PATJ: variants seen among roughly 807,000 people sequenced by gnomAD.
The protein encoded by PATJ is PATJ crumbs cell polarity complex component.
Under a neutral mutation model 224.9 loss-of-function variants are expected in PATJ, and 190 were observed. The observed-to-expected ratio is 0.84, with a 90% confidence interval of 0.75 to 0.95. PATJ has a LOEUF of 0.95. Among genes scored for constraint, PATJ ranks in the 40% least tolerant of loss-of-function variants. The pLI is 0.00. For synonymous variants in PATJ, 769 were observed against 820.3 expected (o/e 0.94, Z 1.07); for missense variants, 2,121 against 2,270.3 (o/e 0.93, Z 1.34).
At chr1:61,779,211 T>C (rs1211159370) in intron 7 of PATJ, among the ~76,000 whole-genome samples, 2 of 152,194 alleles carry the variant, frequency 1.3e-5, no homozygotes, top group African/African-American at 2.4e-5. Flanking sequence ...AAAAAAGATA[T>C]TATTTTAAAA....
chr1:62,125,256 A>AC (rs1558203867), intron 39 of PATJ, among the ~76,000 whole-genome samples: 1 of 111,250 alleles, frequency 9.0e-6, no homozygotes, highest in Non-Finnish European at 1.9e-5. Context: ...AAAAAAAACA[A>AC]AAAAAAACAA....
chr1:62,051,807 C>T (rs1011104881), intron 31 of PATJ, among the ~76,000 whole-genome samples: 10 of 152,282 alleles, frequency 6.6e-5, no homozygotes, highest in South Asian at 2.1e-4. Flanking sequence ...AGAACTCTTT[C>T]TCCTTATGTA....
chr1:61,930,741 C>T (rs1241398747), intron 27 of PATJ, among the ~76,000 whole-genome samples: 1 of 152,018 alleles, frequency 6.6e-6, no homozygotes. Flanking sequence ...GAGTTTTGCT[C>T]TTGTTGCCCA....
In PATJ at chr1:62,108,453, A is replaced by T; in HGVS notation, c.4394A>T (p.His1465Leu). 1 of 1,607,576 alleles carries T rather than the reference A, an allele frequency of 6.2e-7. No individual in the cohort carries two copies. Among genetic ancestry groups the T allele is most frequent in the Non-Finnish European group, 8.5e-7 (1 of 1,174,924 alleles). ...KDTPLNAIVIHEVYEEGAAAR... is the reference protein window; with the variant it reads ...KDTPLNAIVILEVYEEGAAAR... ...TTTTTATAGAATGCTATAGTTATCC[A>T]TGAAGTCTATGAAGAAGGGGCAGCA... is the stretch of plus-strand genomic sequence containing the variant. Residue 1465 changes from histidine (H) to leucine (L), a missense_variant, in exon 34 of 44, where the codon CAT becomes CTT. His to Leu is a moderately conservative substitution (Grantham distance 99). Transcript: ENST00000642238.
At position 61,856,142 on chromosome 1, in the gene PATJ, A is replaced by C; in HGVS notation, c.2225A>C (p.Glu742Ala). 2 of 1,614,168 alleles carry C rather than the reference A, an allele frequency of 1.2e-6. No individual in the cohort carries two copies. The highest frequency in any genetic ancestry group is 2.2e-5 in the South Asian group (2 of 91,084). ...LPGDRLVSVN[E>A]YCLDNTSLAE... Reference sequence around the variant, plus strand: ...GGAGACCGCCTGGTCTCAGTCAATGAATACTGTTTGGACAACACCTCACTT... The same window carrying C: ...GGAGACCGCCTGGTCTCAGTCAATGCATACTGTTTGGACAACACCTCACTT... The change falls in exon 18 of 44, where the codon GAA (glutamate) becomes GCA (alanine). Residue 742 changes from glutamate to alanine, a missense_variant. Glu to Ala is a moderately radical substitution (Grantham distance 107). Coordinates refer to ENST00000642238, the MANE Select transcript of PATJ (RefSeq NM_001350145.3).
intron 42 of PATJ, among the ~76,000 whole-genome samples, chr1:62,150,446 A>G (rs2149037036): frequency 6.6e-6 from 1 of 152,228 alleles, no homozygotes; most frequent in Admixed American, 6.5e-5. Context: ...AACCATGGAT[A>G]TGGGGCATAA....
intron 38 of PATJ, 39 bp downstream of exon 38, chr1:62,121,334 A>C: frequency 8.9e-7 from 1 of 1,121,974 alleles, no homozygotes; most frequent in Non-Finnish European, 1.2e-6. Context: ...CTATCCTGTT[A>C]CCCAAATTAA....
chr1:62,058,692 C>A (rs1190180883), intron 31 of PATJ, among the ~76,000 whole-genome samples: 1 of 152,120 alleles, frequency 6.6e-6, no homozygotes, highest in Non-Finnish European at 1.5e-5. Flanking sequence ...ATCATTAATA[C>A]CAGATTTTGC....
At chr1:62,066,795 A>G (rs1656519353) in intron 31 of PATJ, among the ~76,000 whole-genome samples, 1 of 152,066 alleles carries the variant, frequency 6.6e-6, no homozygotes, top group Admixed American at 6.5e-5. Flanking sequence ...TTTTATGGAC[A>G]GTTTGGTGGG....
chr1:62,108,556 T>A (rs763581347), intron 34 of PATJ, 36 bp downstream of exon 34: 4 of 1,304,740 alleles, frequency 3.1e-6, no homozygotes, highest in Non-Finnish European at 4.4e-6. Context: ...TATCAGTAAA[T>A]GTGGTTCCTT....
chr1:61,997,408 C>A, intron 28 of PATJ, among the ~76,000 whole-genome samples: 1 of 152,156 alleles, frequency 6.6e-6, no homozygotes. Context: ...GTCATTACAG[C>A]GTTGTAACCA....
chr1:62,003,634 C>A (rs755414306), intron 28 of PATJ, among the ~76,000 whole-genome samples: 99 of 152,234 alleles, frequency 6.5e-4, no homozygotes, highest in African/African-American at 2.3e-3. Flanking sequence ...TTGTTGTACA[C>A]TATTTTGTCT....
At chr1:61,833,180 A>G (rs1187582377) in intron 16 of PATJ, among the ~76,000 whole-genome samples, 2 of 152,052 alleles carry the variant, frequency 1.3e-5, no homozygotes, top group African/African-American at 4.8e-5. Context: ...AGCCAGCAGA[A>G]GTGGTTTCCC....
At chr1:61,874,734 T>G (rs1667125830) in intron 20 of PATJ, among the ~76,000 whole-genome samples, 1 of 152,264 alleles carries the variant, frequency 6.6e-6, no homozygotes, top group Non-Finnish European at 1.5e-5. Flanking sequence ...AAAATGCAGT[T>G]AAGTTATCAA....
intron 21 of PATJ, among the ~76,000 whole-genome samples, chr1:61,878,667 G>C (rs564145501): frequency 4.0e-5 from 6 of 149,188 alleles, no homozygotes; most frequent in African/African-American, 1.5e-4. Flanking sequence ...AACATAGGGA[G>C]ACCCCATCTC....
At chr1:61,829,850 A>C (rs1472079688) in intron 16 of PATJ, among the ~76,000 whole-genome samples, 1 of 152,344 alleles carries the variant, frequency 6.6e-6, no homozygotes, top group Non-Finnish European at 1.5e-5. Flanking sequence ...CCAGTAAAAC[A>C]TCAATCATGT....
intron 20 of PATJ, among the ~76,000 whole-genome samples, chr1:61,867,698 TTTC>T (rs1665644788): frequency 6.6e-6 from 1 of 152,138 alleles, no homozygotes; most frequent in South Asian, 2.1e-4. Flanking sequence ...AGTATTTTAT[TTTC>T]TTTAAGTAAT....
At chr1:62,105,214 G>T (rs916751153) in intron 33 of PATJ, among the ~76,000 whole-genome samples, 8 of 152,094 alleles carry the variant, frequency 5.3e-5, no homozygotes, top group Admixed American at 5.2e-4. Flanking sequence ...AATTCAGACC[G>T]CTTTTATGGA....
chr1:61,781,757 C>T (rs946151096), intron 7 of PATJ, among the ~76,000 whole-genome samples: 6 of 152,202 alleles, frequency 3.9e-5, no homozygotes, highest in Admixed American at 3.9e-4. Context: ...TAGGAGGTTT[C>T]ATAGGACTCA....
Sources: allele counts gnomAD v4.1 joint callset (sites outside exome capture counted in the v4.1 genomes callset), GRCh38; gene constraint gnomAD v4.1.1; transcripts MANE v1.5; gene names NCBI Gene and HGNC (gene_info 2026-07-23, HGNC 2026-07-21).